Variants in CDH18 observed in about 807,000 individuals in gnomAD.
The protein encoded by CDH18 is cadherin 18.
CDH18 carries 31 observed loss-of-function variants against 67.9 expected under a neutral mutation model. The ratio of observed to expected loss-of-function variants is 0.46; its 90% CI spans 0.34 to 0.62. The LOEUF is 0.62. Ranked by LOEUF, CDH18 falls within the 20% of genes least tolerant of loss-of-function variation. The pLI is 0.01. For synonymous variants in CDH18, 362 were observed against 347.2 expected (o/e 1.04, Z -0.48); for missense variants, 890 against 975.5 (o/e 0.91, Z 1.17).
intron 5 of CDH18, among the ~76,000 whole-genome samples, chr5:19,637,288 T>C (rs1310583954): frequency 6.6e-6 from 1 of 152,098 alleles, no homozygotes; most frequent in Non-Finnish European, 1.5e-5. Flanking sequence ...ATGGTTAAAT[T>C]GAAGTAATTA....
At chr5:20,089,065 A>C (rs1340193356) in intron 2 of CDH18, among the ~76,000 whole-genome samples, 4 of 152,176 alleles carry the variant, frequency 2.6e-5, no homozygotes, top group Admixed American at 6.5e-5. Flanking sequence ...GAGATAGACT[A>C]GTGAATATTT....
chr5:20,260,640 T>A (rs773605727), intron 1 of CDH18, among the ~76,000 whole-genome samples: 1 of 152,126 alleles, frequency 6.6e-6, no homozygotes, highest in Non-Finnish European at 1.5e-5. Flanking sequence ...CATTTTACCT[T>A]GAGTGTGGGT....
intron 5 of CDH18, among the ~76,000 whole-genome samples, chr5:19,613,523 T>C (rs1162496609): frequency 6.6e-6 from 1 of 152,174 alleles, no homozygotes; most frequent in Non-Finnish European, 1.5e-5. Flanking sequence ...CTATAAATCA[T>C]CTGTAAAAAA....
intron 1 of CDH18, among the ~76,000 whole-genome samples, chr5:19,986,418 A>T (rs1799568357): frequency 6.6e-6 from 1 of 152,212 alleles, no homozygotes. Context: ...CATGTATAAT[A>T]GCCAATGCTC....
At chr5:20,559,414 A>C (rs1332958287) in intron 1 of CDH18, among the ~76,000 whole-genome samples, 8 of 152,066 alleles carry the variant, frequency 5.3e-5, no homozygotes, top group African/African-American at 1.9e-4. Context: ...TCATTTTTGC[A>C]GTTCAAACAT....
chr5:19,940,938 T>C (rs1420402996), intron 2 of CDH18, among the ~76,000 whole-genome samples: 1 of 152,136 alleles, frequency 6.6e-6, no homozygotes, highest in African/African-American at 2.4e-5. Context: ...CTAATAAAAG[T>C]TCCAGTCTAT....
intron 1 of CDH18, among the ~76,000 whole-genome samples, chr5:20,266,326 T>G (rs1022494931): frequency 6.6e-6 from 1 of 152,196 alleles, no homozygotes; most frequent in Admixed American, 6.5e-5. Context: ...CATTTCCTTT[T>G]GGCAGCAATT....
In CDH18 at chr5:20,190,899, T is replaced by A. The variant is rs146980414; in HGVS notation, c.-518+64545A>T. 5.6e-4 allele frequency among the ~76,000 whole-genome samples: 86 copies of A among 152,226 alleles called. No homozygotes were observed. The South Asian group carries it at 0.016, about 28-fold the overall frequency. On this transcript the variant is annotated intron_variant, in intron 2 of 14. Transcript: ENST00000507958. Reference sequence around the variant, plus strand: ...ATGCATGTATAATAATCCTTTATGATCTAAGAGAAAACTTCTACTAAAAAA... The same window carrying A: ...ATGCATGTATAATAATCCTTTATGAACTAAGAGAAAACTTCTACTAAAAAA...
upstream of CDH18, among the ~76,000 whole-genome samples, chr5:19,990,963 G>A (rs897824354): frequency 6.6e-6 from 1 of 152,176 alleles, no homozygotes; most frequent in African/African-American, 2.4e-5. Flanking sequence ...TGAAAGCATG[G>A]ACATTTCTGA....
At chr5:19,892,238 AAAGGAC>A (rs144666005) in intron 2 of CDH18, among the ~76,000 whole-genome samples, 4,480 of 152,266 alleles carry the variant, frequency 0.029, 239 homozygotes, top group African/African-American at 0.1. Flanking sequence ...CTTGGTTAAT[AAAGGAC>A]AAGTATATCT....
intron 5 of CDH18, among the ~76,000 whole-genome samples, chr5:19,711,650 TAAA>T (rs3062941): frequency 8.7e-6 from 1 of 115,602 alleles, no homozygotes; most frequent in African/African-American, 3.6e-5. Context: ...TAGTATAAAG[TAAA>T]AAAAAAAAAA....
chr5:19,958,866 G>A (rs1160957460), intron 2 of CDH18, among the ~76,000 whole-genome samples: 4 of 152,046 alleles, frequency 2.6e-5, no homozygotes, highest in Non-Finnish European at 5.9e-5. Flanking sequence ...GTGTGAAGTG[G>A]CATCACTTCA....
intron 2 of CDH18, among the ~76,000 whole-genome samples, chr5:20,129,102 A>T (rs1749057666): frequency 6.6e-6 from 1 of 152,030 alleles, no homozygotes; most frequent in Non-Finnish European, 1.5e-5. Flanking sequence ...AGCATATGTG[A>T]TATAAAAATG....
At chr5:19,903,679 T>G (rs1485727951) in intron 2 of CDH18, among the ~76,000 whole-genome samples, 1 of 145,218 alleles carries the variant, frequency 6.9e-6, no homozygotes, top group East Asian at 2.1e-4. Context: ...AGCAGCACTT[T>G]GCAGCATGTG....
intron 2 of CDH18, among the ~76,000 whole-genome samples, chr5:20,212,541 AC>A (rs1318272410): frequency 6.6e-6 from 1 of 152,088 alleles, no homozygotes; most frequent in Non-Finnish European, 1.5e-5. Context: ...AGGTCAGGTT[AC>A]CCACAAAGGG....
At chr5:19,994,877 G>GAGAGAGAGAGAGAGAGAA (rs1456990964) in intron 2 of CDH18, among the ~76,000 whole-genome samples, 1 of 137,620 alleles carries the variant, frequency 7.3e-6, no homozygotes, top group African/African-American at 2.7e-5. Flanking sequence ...GAGAGAGAGA[G>GAGAGAGAGAGAGAGAGAA]ATGTAGAAAA....
chr5:19,839,052 C>A lies in CDH18; in HGVS notation c.-66G>T. On this transcript the variant is annotated 5_prime_UTR_variant, in exon 3 of 13. The change abolishes an upstream ATG in the 5' untranslated region. Transcript: ENST00000382275. Reference sequence around the variant, plus strand: ...TTGTCAGCTACGAAAGCTTAGTGAGCATTCAAGAGAGAAGCCAGAGCATCT... The same window carrying A: ...TTGTCAGCTACGAAAGCTTAGTGAGAATTCAAGAGAGAAGCCAGAGCATCT... 2 of 1,280,052 alleles carry A rather than the reference C, an allele frequency of 1.6e-6. No homozygotes were observed. The highest frequency in any genetic ancestry group is 1.8e-5 in the Admixed American group (1 of 56,452). 79.3% of individuals were successfully genotyped at this position (1,280,052 alleles called of 1,614,324 possible).
intron 2 of CDH18, among the ~76,000 whole-genome samples, chr5:20,093,826 G>A (rs967910023): frequency 9.9e-5 from 15 of 152,102 alleles, no homozygotes; most frequent in African/African-American, 3.4e-4. Flanking sequence ...AGTCAGAGAA[G>A]CCAGTGAAGT....
intron 8 of CDH18, among the ~76,000 whole-genome samples, chr5:19,561,383 T>C (rs1439579938): frequency 1.3e-5 from 2 of 152,238 alleles, no homozygotes; most frequent in East Asian, 3.9e-4. Context: ...TTGGAAACCA[T>C]TATTCTAAGT....
Sources: allele counts gnomAD v4.1 joint callset (sites outside exome capture counted in the v4.1 genomes callset), GRCh38; gene constraint gnomAD v4.1.1; transcripts MANE v1.5; gene names NCBI Gene and HGNC (gene_info 2026-07-23, HGNC 2026-07-21).